GNAQ: variants seen among roughly 807,000 people sequenced by gnomAD.
The protein encoded by GNAQ is G protein subunit alpha q.
GNAQ carries 8 observed loss-of-function variants against 43.9 expected under a neutral mutation model. That is an observed-to-expected ratio of 0.18 (90% CI 0.11 to 0.33). GNAQ has a LOEUF of 0.33. Among genes scored for constraint, GNAQ ranks in the 10% least tolerant of loss-of-function variants. The pLI, the probability that GNAQ is intolerant of heterozygous loss-of-function variation, is 1.00. For synonymous variants in GNAQ, 155 were observed against 170.7 expected (o/e 0.91, Z 0.71); for missense variants, 158 against 450.8 (o/e 0.35, Z 5.88).
At chr9:77,944,014 C>G (rs2031880) in intron 1 of GNAQ, among the ~76,000 whole-genome samples, 61,875 of 151,748 alleles carry the variant, frequency 0.41, 13,324 homozygotes, top group Admixed American at 0.49. Context: ...AGGCAACTAC[C>G]AGAATACTGC....
intron 2 of GNAQ, among the ~76,000 whole-genome samples, chr9:77,864,220 C>T (rs6560617): frequency 0.047 from 6,993 of 149,208 alleles, 546 homozygotes; most frequent in African/African-American, 0.16. Flanking sequence ...TAACAGAGCG[C>T]GAATGCACTC....
intron 1 of GNAQ, among the ~76,000 whole-genome samples, chr9:78,005,535 T>G (rs1277021995): frequency 6.6e-6 from 1 of 152,322 alleles, no homozygotes; most frequent in African/African-American, 2.4e-5. Flanking sequence ...TGCATAATAA[T>G]GTCTTACTCA....
intron 2 of GNAQ, among the ~76,000 whole-genome samples, chr9:77,915,437 T>G (rs76540736): frequency 0.01 from 1,529 of 151,900 alleles, 29 homozygotes; most frequent in African/African-American, 0.035. Flanking sequence ...CACATTGTTT[T>G]TTTGTTTTAT....
At chr9:77,945,961 T>G (rs1433589958) in intron 1 of GNAQ, among the ~76,000 whole-genome samples, 2 of 152,228 alleles carry the variant, frequency 1.3e-5, no homozygotes, top group Non-Finnish European at 2.9e-5. Flanking sequence ...CTTCCTGAAT[T>G]GCAGGCATTT....
chr9:77,976,189 A>G (rs912444320), intron 1 of GNAQ, among the ~76,000 whole-genome samples: 1 of 152,338 alleles, frequency 6.6e-6, no homozygotes, highest in East Asian at 1.9e-4. Context: ...TATATTTAAC[A>G]AAAGCATCTT....
chr9:77,835,194 C>T (rs567529559), intron 2 of GNAQ, among the ~76,000 whole-genome samples: 12 of 151,846 alleles, frequency 7.9e-5, no homozygotes, highest in South Asian at 2.1e-4. Context: ...ACTTATAAAC[C>T]GTTTATTTCT....
At chr9:77,781,256 T>C (rs530740123) in intron 5 of GNAQ, among the ~76,000 whole-genome samples, 1 of 152,098 alleles carries the variant, frequency 6.6e-6, no homozygotes, top group African/African-American at 2.4e-5. Context: ...CCACTTTGCG[T>C]TGATTTTCGT....
chr9:77,777,868 G>A (rs1279975499), intron 5 of GNAQ, among the ~76,000 whole-genome samples: 4 of 151,974 alleles, frequency 2.6e-5, no homozygotes, highest in African/African-American at 9.7e-5. Context: ...ATTGCTGGTA[G>A]GACTGTAAAA....
intron 2 of GNAQ, among the ~76,000 whole-genome samples, chr9:77,849,187 G>A (rs953195972): frequency 2.6e-5 from 4 of 152,184 alleles, no homozygotes; most frequent in African/African-American, 7.2e-5. Flanking sequence ...TTATTTAACC[G>A]TGGAAGAGGA....
In GNAQ at chr9:77,889,410, C is replaced by CAAAAAAAAAA. The variant is rs58496646; in HGVS notation, c.321+32741_321+32750dup. ...TGGGCGACAAAGCCAGACCCTGTCT[C>CAAAAAAAAAA]AAAAAAAAAAAAAAAAAAAAAAAAA... On this transcript the variant is annotated intron_variant, in intron 2 of 6. Transcript: ENST00000286548. 4.6e-4 allele frequency among the ~76,000 whole-genome samples: 22 copies of CAAAAAAAAAA among 48,064 alleles called. 4 individuals are homozygous for CAAAAAAAAAA. The highest frequency in any genetic ancestry group is 4.4e-3 in the East Asian group (4 of 900). 31.5% of individuals were successfully genotyped at this position (48,064 alleles called of 152,430 possible). A position where few individuals can be genotyped will look rare whatever the true frequency, so the allele number is the denominator to read the frequency against.
At chr9:77,856,347 T>A (rs1354413964) in intron 2 of GNAQ, among the ~76,000 whole-genome samples, 2 of 152,152 alleles carry the variant, frequency 1.3e-5, no homozygotes, top group Non-Finnish European at 2.9e-5. Flanking sequence ...ATTGATGTAT[T>A]GTATATAGAA....
intron 5 of GNAQ, among the ~76,000 whole-genome samples, chr9:77,751,693 TCTC>T (rs1178122026): frequency 6.6e-6 from 1 of 152,168 alleles, no homozygotes; most frequent in East Asian, 1.9e-4. Flanking sequence ...AGCTCTTTAT[TCTC>T]CTTAGTAATA....
Position 77,920,194 on chromosome 9 carries a change from T to C in GNAQ, c.321+1967A>G, listed in dbSNP as rs372071110. 1.4e-4 allele frequency among the ~76,000 whole-genome samples: 22 copies of C among 152,120 alleles called. No homozygotes were observed. The South Asian group carries it at 3.7e-3, about 26-fold the overall frequency. ...AAATAACTTGTTAAATATTCTTCAA[T>C]GTGTTACATGAATAAGGCATAAATT... On this transcript the variant is annotated intron_variant, in intron 2 of 6. Transcript: ENST00000286548.
rs78691011 is a variant in GNAQ, at chr9:77,931,007, A to G, written c.137-8662T>C. On this transcript the variant is annotated intron_variant, in intron 1 of 6. Coordinates refer to ENST00000286548, the MANE Select transcript of GNAQ (RefSeq NM_002072.5). ...TCTAGGTTACATGTTCCTTGTAAGA[A>G]TTTAATGCCTGATGATTTGAGGTGG... Among the ~76,000 whole-genome samples the G allele has an allele frequency of 5.2e-3, 786 of 151,986 alleles. 8 individuals are homozygous for G. The highest frequency in any genetic ancestry group is 0.018 in the African/African-American group (733 of 41,470).
intron 5 of GNAQ, among the ~76,000 whole-genome samples, chr9:77,735,675 G>C (rs1216157341): frequency 6.6e-6 from 1 of 152,210 alleles, no homozygotes; most frequent in Non-Finnish European, 1.5e-5. Flanking sequence ...AACTCCTGTT[G>C]TTGGGGCGGG....
At chr9:77,967,374 C>A (rs562628812) in intron 1 of GNAQ, among the ~76,000 whole-genome samples, 48 of 152,258 alleles carry the variant, frequency 3.2e-4, no homozygotes, top group Non-Finnish European at 4.4e-4. Flanking sequence ...AGCCCCTCTT[C>A]ATCAATATTT....
chr9:77,734,237 A>G (rs954051490), intron 5 of GNAQ, among the ~76,000 whole-genome samples: 3 of 152,206 alleles, frequency 2.0e-5, no homozygotes, highest in African/African-American at 7.2e-5. Flanking sequence ...TTGCCTCATT[A>G]TCATTATCTT....
At chr9:77,987,274 C>G (rs1292679239) in intron 1 of GNAQ, among the ~76,000 whole-genome samples, 1 of 152,018 alleles carries the variant, frequency 6.6e-6, no homozygotes, top group Non-Finnish European at 1.5e-5. Flanking sequence ...TCTGCAGAGT[C>G]ATTGGCACAT....
chr9:77,767,144 G>A (rs1360030900), intron 5 of GNAQ, among the ~76,000 whole-genome samples: 1 of 152,118 alleles, frequency 6.6e-6, no homozygotes, highest in Admixed American at 6.5e-5. Context: ...TCAATGAGTT[G>A]GCAAGGGGAA....
Sources: gnomAD v4.1 joint callset for allele counts (sites outside exome capture counted in the v4.1 genomes callset) on GRCh38, gnomAD v4.1.1 for gene constraint, MANE v1.5 for transcripts, NCBI Gene and HGNC (gene_info 2026-07-23, HGNC 2026-07-21) for gene names.